Variants in CCDC69 observed in about 807,000 individuals in gnomAD.
CCDC69 encodes the protein coiled-coil domain-containing protein 69.
A neutral mutation model predicts 40.3 loss-of-function variants in CCDC69; 38 were observed. That is an observed-to-expected ratio of 0.94 (90% CI 0.73 to 1.24). The LOEUF is 1.24. CCDC69 is among the 50% of genes most tolerant of loss of function. CCDC69 has a pLI of 0.00. For missense variants in CCDC69, 389 were observed against 357.9 expected, an observed-to-expected ratio of 1.09 and a Z score of -0.70; for synonymous variants, 141 against 138.9, an observed-to-expected ratio of 1.02 and a Z score of -0.11.
intron 2 of CCDC69, among the ~76,000 whole-genome samples, chr5:151,202,513 CA>C (rs1305827243): frequency 1.3e-5 from 2 of 152,214 alleles, no homozygotes; most frequent in Non-Finnish European, 2.9e-5. Context: ...GAGCCAGAAG[CA>C]GCTGCCTCCT....
intron 4 of CCDC69, among the ~76,000 whole-genome samples, chr5:151,194,505 G>C (rs1235347184): frequency 6.6e-6 from 1 of 152,206 alleles, no homozygotes; most frequent in Non-Finnish European, 1.5e-5. Flanking sequence ...CCAGGGGTTA[G>C]GGTGGGAGAA....
intron 2 of CCDC69, among the ~76,000 whole-genome samples, chr5:151,203,603 T>C (rs1350929839): frequency 7.1e-6 from 1 of 140,626 alleles, no homozygotes; most frequent in Non-Finnish European, 1.5e-5. Flanking sequence ...TATATATTAG[T>C]AAATATATAT....
chr5:151,206,717 A>G (rs1366021777), intron 1 of CCDC69, among the ~76,000 whole-genome samples: 4 of 150,808 alleles, frequency 2.7e-5, no homozygotes, highest in African/African-American at 9.8e-5. Flanking sequence ...TGTAACCTCC[A>G]CCTCCTGGGT....
chr5:151,196,224 T>C (rs1752697584), intron 4 of CCDC69, among the ~76,000 whole-genome samples: 1 of 152,220 alleles, frequency 6.6e-6, no homozygotes, highest in African/African-American at 2.4e-5. Context: ...AGATCTTGGC[T>C]CACTGCAACC....
intron 4 of CCDC69, among the ~76,000 whole-genome samples, chr5:151,190,497 C>A (rs1752594053): frequency 6.6e-6 from 1 of 151,948 alleles, no homozygotes; most frequent in African/African-American, 2.4e-5. Flanking sequence ...GAAACCCGGT[C>A]TCTACCCAAA....
intron 1 of CCDC69, among the ~76,000 whole-genome samples, chr5:151,220,545 C>T (rs1442852371): frequency 6.6e-6 from 1 of 152,210 alleles, no homozygotes; most frequent in East Asian, 1.9e-4. Context: ...CCTTATCATT[C>T]ACTTCTGTCA....
At chr5:151,221,561 A>C (rs146971801) in intron 1 of CCDC69, among the ~76,000 whole-genome samples, 6 of 152,246 alleles carry the variant, frequency 3.9e-5, no homozygotes, top group African/African-American at 1.4e-4. Context: ...AATGAGCACC[A>C]GATGGGGAGT....
At chr5:151,205,949 G>A (rs1371035669) in intron 1 of CCDC69, among the ~76,000 whole-genome samples, 9 of 152,132 alleles carry the variant, frequency 5.9e-5, no homozygotes, top group Non-Finnish European at 1.3e-4. Flanking sequence ...CATCCACACA[G>A]AAGAAGACTT....
intron 4 of CCDC69, among the ~76,000 whole-genome samples, chr5:151,190,987 T>G (rs1431826686): frequency 6.6e-6 from 1 of 151,978 alleles, no homozygotes; most frequent in Non-Finnish European, 1.5e-5. Flanking sequence ...AGAATGGGTT[T>G]TTAAAAACCC....
intron 5 of CCDC69, among the ~76,000 whole-genome samples, chr5:151,186,984 A>T (rs1418603423): frequency 6.6e-6 from 1 of 151,918 alleles, no homozygotes; most frequent in Non-Finnish European, 1.5e-5. Context: ...CTTCTTTACC[A>T]AAGAATTCCA....
At chr5:151,204,201 G>T (rs779077975) in intron 2 of CCDC69, among the ~76,000 whole-genome samples, 75 of 151,852 alleles carry the variant, frequency 4.9e-4, no homozygotes, top group Non-Finnish European at 7.7e-4. Flanking sequence ...CTAGTTTTTT[G>T]TGTGTGTATT....
At chr5:151,213,030 T>C (rs1360704812) in intron 1 of CCDC69, 5 of 368,804 alleles carry the variant, frequency 1.4e-5, no homozygotes, top group Non-Finnish European at 2.1e-5. Flanking sequence ...ACTCTAACAG[T>C]CTATAATTCT....
chr5:151,189,110 G>A (rs1582039617), intron 4 of CCDC69, among the ~76,000 whole-genome samples: 1 of 152,214 alleles, frequency 6.6e-6, no homozygotes, highest in South Asian at 2.1e-4. Flanking sequence ...CCTAAACTGA[G>A]ATCCTATAGA....
At chr5:151,184,711 G>C (rs1447855523) in intron 7 of CCDC69, 1 of 345,252 alleles carries the variant, frequency 2.9e-6, no homozygotes, top group Non-Finnish European at 5.4e-6. Flanking sequence ...AATATGTTTT[G>C]TTCTCCAAAA....
At chr5:151,220,676 G>T (rs1371422453) in intron 1 of CCDC69, among the ~76,000 whole-genome samples, 1 of 152,112 alleles carries the variant, frequency 6.6e-6, no homozygotes, top group Admixed American at 6.5e-5. Context: ...GTCCTGCTTG[G>T]AACTATGGAG....
chr5:151,193,342 CAA>C (rs35463341), intron 4 of CCDC69, among the ~76,000 whole-genome samples: 14,360 of 77,214 alleles, frequency 0.19, 573 homozygotes, highest in Middle Eastern at 0.31. Flanking sequence ...CTCATTTCTA[CAA>C]AAAAAAAAAA....
chr5:151,208,478 G>A (rs1752884443), intron 1 of CCDC69, among the ~76,000 whole-genome samples: 1 of 152,230 alleles, frequency 6.6e-6, no homozygotes, highest in African/African-American at 2.4e-5. Flanking sequence ...GGAGGACTGA[G>A]GGAGTCATGG....
chr5:151,202,342 C>T (rs1276405225), intron 2 of CCDC69, among the ~76,000 whole-genome samples: 1 of 152,262 alleles, frequency 6.6e-6, no homozygotes, highest in East Asian at 1.9e-4. Flanking sequence ...GTCTGCGCAA[C>T]AGAGCGAGAT....
chr5:151,186,587 T>C (rs1752523120), intron 5 of CCDC69, among the ~76,000 whole-genome samples: 1 of 152,106 alleles, frequency 6.6e-6, no homozygotes, highest in South Asian at 2.1e-4. Flanking sequence ...TAGCCTGGCA[T>C]TCAAAACACA....
Sources: gnomAD v4.1 joint callset for allele counts (sites outside exome capture counted in the v4.1 genomes callset) on GRCh38, gnomAD v4.1.1 for gene constraint, MANE v1.5 for transcripts, NCBI Gene and HGNC (gene_info 2026-07-23, HGNC 2026-07-21) for gene names.